ITM2C: variants seen among roughly 807,000 people sequenced by gnomAD.
The protein encoded by ITM2C is integral membrane protein 2C.
ITM2C carries 20 observed loss-of-function variants against 30.0 expected under a neutral mutation model. That is an observed-to-expected ratio of 0.67 (90% CI 0.47 to 0.97). The LOEUF (loss-of-function observed/expected upper bound fraction) is 0.97. Ranked by LOEUF, ITM2C falls within the 50% of genes least tolerant of loss-of-function variation. The probability of loss-of-function intolerance (pLI) is 0.00; values close to 1 mark genes in which losing one functional copy is unlikely to be tolerated. For missense variants in ITM2C, 366 were observed against 371.9 expected (o/e 0.98, Z 0.13); for synonymous variants, 167 against 156.4 (o/e 1.07, Z -0.51).
In ITM2C at chr2:230,876,974, AG is replaced by A; in HGVS notation, c.561+12del. The stretch of plus-strand genomic sequence containing the variant: ...GCTCCTCATGAACGTGAAGGTGCGC[AG>A]GGGGTTGGGGGGATGTCTGCAGCAT... On this transcript the variant is annotated splice_region_variant and intron_variant, in intron 4 of 5. Transcript: ENST00000326427. 2 of 1,589,274 alleles carry A rather than the reference AG, an allele frequency of 1.3e-6. No individual in the cohort carries two copies. The highest frequency in any genetic ancestry group is 1.7e-6 in the Non-Finnish European group (2 of 1,157,618).
At chr2:230,872,612 C>G (rs1454033492) in intron 1 of ITM2C, among the ~76,000 whole-genome samples, 2 of 152,202 alleles carry the variant, frequency 1.3e-5, no homozygotes, top group Non-Finnish European at 2.9e-5. Context: ...CCACATTTCT[C>G]TCCTGGCAGG....
Position 230,878,062 on chromosome 2 carries a change from C to T in ITM2C, c.767C>T (p.Thr256Ile). ...NCNAIRHFEN[T>I]FVVETLICGV... The stretch of plus-strand genomic sequence containing the variant: ...AATGCCATCCGCCACTTCGAGAACA[C>T]CTTCGTGGTGGAGACGCTCATCTGC... Residue 256 changes from threonine (T) to isoleucine (I), a missense_variant, in exon 6 of 6, where the codon ACC (threonine) becomes ATC (isoleucine). By Grantham distance (89) the Thr-to-Ile change is moderately conservative. Transcript: ENST00000326427. This position sits in a 1 kb window ranked among gnomAD's most constrained non-coding sequence, Gnocchi z 4.5. 1.9e-6 allele frequency: 3 copies of T among 1,605,750 alleles called. No homozygotes were observed. The highest frequency in any genetic ancestry group is 2.6e-6 in the Non-Finnish European group (3 of 1,175,268).
intron 2 of ITM2C, among the ~76,000 whole-genome samples, chr2:230,874,962 G>T (rs1055683631): frequency 1.3e-5 from 2 of 152,226 alleles, no homozygotes; most frequent in Non-Finnish European, 2.9e-5. Context: ...GAAGGGCGAT[G>T]GCACTTGTCC....
chr2:230,873,987 G>GA (rs1697230212), intron 2 of ITM2C, among the ~76,000 whole-genome samples: 1 of 152,340 alleles, frequency 6.6e-6, no homozygotes, highest in Non-Finnish European at 1.5e-5. Flanking sequence ...GGTGGGTACA[G>GA]AGAGTCTCCA....
rs1697328393 is a variant in ITM2C, at chr2:230,877,315, G to A, written c.562-85G>A. 4 of 1,415,908 alleles carry A rather than the reference G, an allele frequency of 2.8e-6. No individual in the cohort carries two copies. In the East Asian group the frequency reaches 6.9e-5, roughly 24 times the overall value. The allele number at this position is 1,415,908 out of a possible 1,614,324, so 87.7% of individuals were successfully genotyped here. On this transcript the variant is annotated intron_variant, in intron 4 of 5. Transcript: ENST00000326427. This position sits in a 1 kb window ranked among gnomAD's most constrained non-coding sequence, Gnocchi z 4.8. ...AGGGCCAGCCCAGGGGCCTCTGGAGGAGGGAGGTGGGCTGGCATTTCGGGC... is the reference window on the plus strand; with the variant it reads ...AGGGCCAGCCCAGGGGCCTCTGGAGAAGGGAGGTGGGCTGGCATTTCGGGC...
intron 2 of ITM2C, 120 bp downstream of exon 2, chr2:230,873,677 G>C (rs1285624260): frequency 1.0e-6 from 1 of 1,004,510 alleles, no homozygotes; most frequent in South Asian, 2.0e-5. Context: ...AGGTGGGAGC[G>C]AGTGCCCGGC....
chr2:230,875,590 A>G, intron 2 of ITM2C, 30 bp from the exon 3 acceptor site: 1 of 1,563,460 alleles, frequency 6.4e-7, no homozygotes, highest in Non-Finnish European at 8.7e-7. Context: ...AGCCTCTCTG[A>G]CTGTCTGTCT....
Position 230,873,433 on chromosome 2 carries a change from A to G in ITM2C, c.137A>G (p.Gln46Arg). 1 of 1,595,354 alleles carries G rather than the reference A, an allele frequency of 6.3e-7. No individual in the cohort carries two copies. The highest frequency in any genetic ancestry group is 1.1e-5 in the South Asian group (1 of 87,790). ...LTPAREEQPP[Q>R]HRSKRGGSVG... is the part of the protein sequence containing the mutation. ...TATCCACAGGAGGAGCAGCCCCCAC[A>G]ACATCGATCCAAGAGGGGGGGCTCA... Residue 46 changes from glutamine to arginine, a missense_variant, in exon 2 of 6, where the codon CAA becomes CGA. By Grantham distance (43) the Gln-to-Arg change is conservative. Transcript: ENST00000326427.
chr2:230,873,794 C>T (rs3098336), intron 2 of ITM2C, among the ~76,000 whole-genome samples: 1 of 152,108 alleles, frequency 6.6e-6, no homozygotes, highest in African/African-American at 2.4e-5. Context: ...ATCCGGGTGA[C>T]AGCACTGGGC....
chr2:230,873,554 G>T lies in ITM2C; in HGVS notation c.258G>T (p.Ala86=), dbSNP rs2289233. 16 of 1,603,666 alleles carry T rather than the reference G, an allele frequency of 1.0e-5. No individual in the cohort carries two copies. The South Asian group carries it at 1.2e-4, about 12-fold the overall frequency. Reference sequence around the variant, plus strand: ...ACATCTACAGATACTTCTTCCTTGCGCAGGTGAGGGGCCGGGCCAGGTAGG... The same window carrying T: ...ACATCTACAGATACTTCTTCCTTGCTCAGGTGAGGGGCCGGGCCAGGTAGG... ...SVYIYRYFFL[A]QLARDNFFRC... is the part of the protein sequence containing the mutation. Residue 86 remains alanine (A), a synonymous_variant, in exon 2 of 6, where the codon GCG becomes GCT. Coordinates refer to ENST00000326427, the MANE Select transcript of ITM2C (RefSeq NM_030926.6).
rs775146075 is a variant in ITM2C at position 230,876,852 on chromosome 2, G to A, written c.451-5G>A. On this transcript the variant is annotated splice_region_variant and splice_polypyrimidine_tract_variant and intron_variant, in intron 3 of 5. Transcript: ENST00000326427. ...AGAGACTGACCCAACCCCTTCTCCTGCCAGGGTCTGACTGCGTACCATGAT... is the reference window on the plus strand; with the variant it reads ...AGAGACTGACCCAACCCCTTCTCCTACCAGGGTCTGACTGCGTACCATGAT... The A allele has an allele frequency of 1.2e-6, 2 of 1,604,426 alleles. No homozygotes were observed. Among genetic ancestry groups the A allele is most frequent in the Non-Finnish European group, 1.7e-6 (2 of 1,171,534 alleles).
chr2:230,869,650 G>C (rs1471946791), intron 1 of ITM2C, among the ~76,000 whole-genome samples: 4 of 152,178 alleles, frequency 2.6e-5, no homozygotes, highest in African/African-American at 9.7e-5. Context: ...TCGTTAAATC[G>C]GCTTGCAGTT....
intron 1 of ITM2C, among the ~76,000 whole-genome samples, chr2:230,868,727 G>A (rs911205175): frequency 3.9e-5 from 6 of 152,220 alleles, no homozygotes; most frequent in African/African-American, 1.4e-4. Flanking sequence ...GTCTCCTGGA[G>A]CGGTTGGGGG....
At chr2:230,874,139 T>C (rs946179282) in intron 2 of ITM2C, among the ~76,000 whole-genome samples, 2 of 151,984 alleles carry the variant, frequency 1.3e-5, no homozygotes, top group Admixed American at 1.3e-4. Flanking sequence ...AGTAGGTAAA[T>C]TAAAAGGATA....
chr2:230,873,156 G>A (rs1697206787), intron 1 of ITM2C: 3 of 397,050 alleles, frequency 7.6e-6, no homozygotes, highest in African/African-American at 4.1e-5. Flanking sequence ...ATCTCTTTCG[G>A]TGGCTTCCAG....
At position 230,876,905 on chromosome 2, in the gene ITM2C, G is replaced by A. The variant is rs748390195; in HGVS notation, c.499G>A (p.Glu167Lys). ...DISLDKCYVIELNTTIVLPPR... is the reference protein window; with the variant it reads ...DISLDKCYVIKLNTTIVLPPR... ...CTCCCTGGACAAGTGCTATGTCATC[G>A]AACTCAACACCACCATTGTGCTGCC... Residue 167 changes from glutamate to lysine, a missense_variant, in exon 4 of 6, where the codon GAA (glutamate) becomes AAA (lysine). Coordinates refer to ENST00000326427, the MANE Select transcript of ITM2C (RefSeq NM_030926.6). 1.5e-5 allele frequency: 24 copies of A among 1,613,962 alleles called. No homozygotes were observed. The highest frequency in any genetic ancestry group is 1.6e-4 in the Middle Eastern group (1 of 6,084).
In ITM2C at chr2:230,877,907, G is replaced by A. The variant is rs774497163; in HGVS notation, c.713-101G>A. Reference sequence around the variant, plus strand: ...GCTCTTTGGGTGAATCTGGGTGAATGGTGTCACTTCCTGGCCCTCCTGTGG... The same window carrying A: ...GCTCTTTGGGTGAATCTGGGTGAATAGTGTCACTTCCTGGCCCTCCTGTGG... On this transcript the variant is annotated intron_variant, in intron 5 of 5. Transcript: ENST00000326427. The surrounding 1 kb of genome is among the most constrained non-coding windows in gnomAD (Gnocchi z 4.8). 94 of 890,246 alleles carry A rather than the reference G, an allele frequency of 1.1e-4. No individual in the cohort carries two copies. The highest frequency in any genetic ancestry group is 1.4e-4 in the Non-Finnish European group (77 of 557,456). The allele number at this position is 890,246 out of a possible 1,614,324, so 55.1% of individuals were successfully genotyped here.
intron 1 of ITM2C, among the ~76,000 whole-genome samples, chr2:230,870,086 G>C (rs1284494929): frequency 1.3e-5 from 2 of 152,224 alleles, no homozygotes; most frequent in African/African-American, 4.8e-5. Context: ...TGGGCACCAG[G>C]GATCCCAAGG....
At chr2:230,875,144 C>T (rs903588901) in intron 2 of ITM2C, among the ~76,000 whole-genome samples, 1 of 152,204 alleles carries the variant, frequency 6.6e-6, no homozygotes, top group African/African-American at 2.4e-5. Flanking sequence ...TTAGGTTCGT[C>T]CTTGACCCCC....
Sources: allele counts gnomAD v4.1 joint callset (sites outside exome capture counted in the v4.1 genomes callset), GRCh38; gene constraint gnomAD v4.1.1; non-coding constraint Gnocchi (gnomAD v3.1); transcripts MANE v1.5; gene names NCBI Gene and HGNC (gene_info 2026-07-23, HGNC 2026-07-21).